Variants in AGMO observed in about 807,000 individuals in gnomAD.
AGMO encodes glyceryl-ether monooxygenase.
In AGMO, 75 loss-of-function variants were observed where a neutral mutation model predicts 60.2. The observed-to-expected ratio is 1.25, with a 90% CI of 1.03 to 1.51. The LOEUF (loss-of-function observed/expected upper bound fraction) is 1.51, where lower values mean the gene tolerates loss of function less well. Among genes scored for constraint, AGMO ranks in the 40% most tolerant of loss-of-function variants. The pLI is 0.00. For synonymous variants in AGMO, 261 were observed against 177.1 expected, an observed-to-expected ratio of 1.47 and a Z score of -3.76; for missense variants, 763 against 525.5, an observed-to-expected ratio of 1.45 and a Z score of -4.42.
chr7:15,326,165 AC>A (rs1271245163), intron 12 of AGMO, among the ~76,000 whole-genome samples: 1 of 152,170 alleles, frequency 6.6e-6, no homozygotes, highest in African/African-American at 2.4e-5. Flanking sequence ...TTTATTAAAT[AC>A]ATTTGAATTA....
At chr7:15,350,078 G>T (rs1782184385) in intron 12 of AGMO, among the ~76,000 whole-genome samples, 1 of 152,128 alleles carries the variant, frequency 6.6e-6, no homozygotes, top group Admixed American at 6.6e-5. Flanking sequence ...ATGAAACTGA[G>T]AATTAAGTGG....
At chr7:15,402,726 A>T (rs1022893539) in intron 5 of AGMO, among the ~76,000 whole-genome samples, 2 of 150,608 alleles carry the variant, frequency 1.3e-5, no homozygotes, top group East Asian at 3.9e-4. Flanking sequence ...TTTAAATACT[A>T]AACTACCAAT....
intron 3 of AGMO, among the ~76,000 whole-genome samples, chr7:15,473,442 C>T (rs1023551357): frequency 1.2e-4 from 18 of 151,766 alleles, no homozygotes; most frequent in Admixed American, 2.0e-4. Context: ...AGAGACACAA[C>T]AAAAAAAGAA....
intron 3 of AGMO, among the ~76,000 whole-genome samples, chr7:15,530,832 TTC>T (rs1223654180): frequency 3.9e-5 from 2 of 50,894 alleles, no homozygotes; most frequent in Non-Finnish European, 4.1e-5. Flanking sequence ...TCTATATATA[TTC>T]TATATATATA....
At chr7:15,328,734 T>C (rs1297781462) in intron 12 of AGMO, among the ~76,000 whole-genome samples, 2 of 152,202 alleles carry the variant, frequency 1.3e-5, no homozygotes, top group Non-Finnish European at 2.9e-5. Context: ...ATTACATTAC[T>C]CCTCTGCTCA....
chr7:15,307,880 C>T (rs761238076), intron 12 of AGMO, among the ~76,000 whole-genome samples: 3 of 152,026 alleles, frequency 2.0e-5, no homozygotes, highest in Non-Finnish European at 4.4e-5. Context: ...CTTCATATCC[C>T]ACCTCTGAGC....
At chr7:15,266,415 T>G (rs1457944062) in intron 12 of AGMO, among the ~76,000 whole-genome samples, 1 of 152,030 alleles carries the variant, frequency 6.6e-6, no homozygotes, top group Admixed American at 6.6e-5. Flanking sequence ...AAAAAGTAAT[T>G]TTAACAACTT....
chr7:15,373,138 G>C (rs1036355759), intron 10 of AGMO, among the ~76,000 whole-genome samples: 1 of 151,966 alleles, frequency 6.6e-6, no homozygotes, highest in African/African-American at 2.4e-5. Flanking sequence ...ATCTGGGCAT[G>C]GTGGCGGTAC....
intron 2 of AGMO, among the ~76,000 whole-genome samples, chr7:15,547,860 G>A (rs1784832159): frequency 6.6e-6 from 1 of 152,122 alleles, no homozygotes; most frequent in Non-Finnish European, 1.5e-5. Flanking sequence ...ACCTCTGGGG[G>A]CAGGGCACAG....
At chr7:15,349,022 A>C (rs1399467167) in intron 12 of AGMO, among the ~76,000 whole-genome samples, 3 of 151,744 alleles carry the variant, frequency 2.0e-5, no homozygotes, top group African/African-American at 7.2e-5. Flanking sequence ...ATTGTGACTT[A>C]TTTCTATGAG....
chr7:15,532,877 G>C (rs984891148), intron 3 of AGMO, among the ~76,000 whole-genome samples: 3 of 152,104 alleles, frequency 2.0e-5, no homozygotes, highest in African/African-American at 4.8e-5. Flanking sequence ...TACAGACACA[G>C]CTACTCAGGA....
intron 3 of AGMO, among the ~76,000 whole-genome samples, chr7:15,493,191 G>T (rs7790145): frequency 0.018 from 2,741 of 151,664 alleles, 71 homozygotes; most frequent in African/African-American, 0.062. Context: ...TGCAGACAAG[G>T]TACAAGGAAC....
intron 12 of AGMO, among the ~76,000 whole-genome samples, chr7:15,301,131 T>C (rs759305507): frequency 5.3e-5 from 8 of 152,158 alleles, no homozygotes; most frequent in African/African-American, 1.4e-4. Context: ...AAAAGTGTTA[T>C]TGATACTAAT....
At position 15,469,542 on chromosome 7, in the gene AGMO, G is replaced by A. The variant is rs140096625; in HGVS notation, c.410-38434C>T. Reference sequence around the variant, plus strand: ...TAAGTAACCTTGGCTGGTCAGCTGTGTTCCTCACGCCCCATGGCAAGAGGT... The same window carrying A: ...TAAGTAACCTTGGCTGGTCAGCTGTATTCCTCACGCCCCATGGCAAGAGGT... On this transcript the variant is annotated intron_variant, in intron 3 of 12. Transcript: ENST00000342526. 2.4e-4 allele frequency among the ~76,000 whole-genome samples: 37 copies of A among 152,230 alleles called. No homozygotes were observed. The East Asian group carries it at 7.0e-3, about 29-fold the overall frequency.
intron 3 of AGMO, among the ~76,000 whole-genome samples, chr7:15,540,857 A>C (rs1354273826): frequency 2.5e-4 from 38 of 152,212 alleles, no homozygotes; most frequent in Non-Finnish European, 1.0e-4. Context: ...GTATATATAT[A>C]GAAAATGTAT....
At chr7:15,512,663 T>C (rs1783705739) in intron 3 of AGMO, among the ~76,000 whole-genome samples, 1 of 152,234 alleles carries the variant, frequency 6.6e-6, no homozygotes, top group African/African-American at 2.4e-5. Context: ...CTTAGTAAAT[T>C]GCTTGCTATT....
intron 3 of AGMO, among the ~76,000 whole-genome samples, chr7:15,543,924 C>T (rs567012103): frequency 4.6e-5 from 7 of 151,784 alleles, no homozygotes; most frequent in East Asian, 2.0e-4. Flanking sequence ...TTCCTACCAA[C>T]GGTATAAAAC....
At chr7:15,155,623 T>G in the AGMO span, among the ~76,000 whole-genome samples, 1 of 152,036 alleles carries the variant, frequency 6.6e-6, no homozygotes, top group Admixed American at 6.6e-5. Context: ...TTCTGAATTC[T>G]GTGTTTGTCA....
chr7:15,498,386 T>A (rs927405696), intron 3 of AGMO, among the ~76,000 whole-genome samples: 1 of 152,048 alleles, frequency 6.6e-6, no homozygotes, highest in African/African-American at 2.4e-5. Context: ...ATACCTTTTA[T>A]TGGAGATATT....
Sources: gnomAD v4.1 joint callset for allele counts (sites outside exome capture counted in the v4.1 genomes callset) on GRCh38, gnomAD v4.1.1 for gene constraint, MANE v1.5 for transcripts, NCBI Gene and HGNC (gene_info 2026-07-23, HGNC 2026-07-21) for gene names.